TSPAN10: variants seen among roughly 807,000 people sequenced by gnomAD.
TSPAN10 encodes the protein tetraspanin-10.
TSPAN10 carries 11 observed loss-of-function variants against 15.0 expected under a neutral mutation model. The observed-to-expected ratio is 0.73, with a 90% CI of 0.46 to 1.21. The LOEUF (loss-of-function observed/expected upper bound fraction) is 1.21, where lower values mean the gene tolerates loss of function less well. TSPAN10 is among the 50% of genes most tolerant of loss of function. The pLI is 0.00. For synonymous variants in TSPAN10, 241 were observed against 226.2 expected, an observed-to-expected ratio of 1.07 and a Z score of -0.59; for missense variants, 486 against 470.6, an observed-to-expected ratio of 1.03 and a Z score of -0.30.
chr17:81,645,469 G>T lies in TSPAN10; in HGVS notation c.514G>T (p.Val172Leu), dbSNP rs202051691. The change falls in exon 2 of 3, where the codon GTG becomes TTG. Residue 172 changes from valine to leucine, a missense_variant. Coordinates refer to ENST00000611590, the Ensembl canonical transcript of TSPAN10. ...TGAGGCCGTGGCGGGGGCCCTGGTG[G>T]TGGCCCTCTGGGGCCCGCTGCAAGA... 199 of 1,584,606 alleles carry T rather than the reference G, an allele frequency of 1.3e-4. 1 individual carries two copies. The African/African-American group carries it at 2.5e-3, about 20-fold the overall frequency.
exon 1 of TSPAN10, chr17:81,637,262 G>T: frequency 1.9e-6 from 1 of 528,522 alleles, no homozygotes; most frequent in South Asian, 2.4e-5. Flanking sequence ...ACTTCTGCTC[G>T]TCCTCGGAAA....
At chr17:81,642,344 C>T, upstream of TSPAN10, 1 of 1,595,084 alleles carries the variant, frequency 6.3e-7, no homozygotes, top group Non-Finnish European at 8.6e-7. Context: ...GCCCAGCAGC[C>T]CAGCCACAGA....
At position 81,645,104 on chromosome 17, in the gene TSPAN10, C is replaced by G. The variant is rs764209230; in HGVS notation, c.149C>G (p.Pro50Arg). The G allele has an allele frequency of 3.1e-6, 5 of 1,589,186 alleles. No individual in the cohort carries two copies. In the Admixed American group the frequency reaches 9.7e-5, roughly 31 times the overall value. ...GCCTGGGGCTGCAGCTGCTGTCCCC[C>G]GGAGACCAAGCACCAGGCCTTGAGT... Residue 50 changes from proline (P) to arginine (R), a missense_variant, in exon 2 of 3, where the codon CCG (proline) becomes CGG (arginine). Coordinates refer to ENST00000611590, the Ensembl canonical transcript of TSPAN10.
chr17:81,638,220 G>A (rs995903890), upstream of TSPAN10: 3 of 152,106 alleles, frequency 2.0e-5, no homozygotes, highest in Non-Finnish European at 4.4e-5. Context: ...GAGCCAGCTT[G>A]TACAGGTTAC....
upstream of TSPAN10, chr17:81,642,192 A>C: frequency 1.9e-6 from 1 of 521,678 alleles, no homozygotes; most frequent in Non-Finnish European, 3.5e-6. Flanking sequence ...CTCCACAAGC[A>C]GAGGCCTCCT....
At chr17:81,645,363 G>C in exon 2 of TSPAN10, 1 of 1,593,772 alleles carries the variant, frequency 6.3e-7, no homozygotes, top group Non-Finnish European at 8.5e-7. Flanking sequence ...CAGTGAGCCT[G>C]GCTGGCTACC....
chr17:81,645,082 TG>T lies in TSPAN10; in HGVS notation c.131del (p.Gly44AlafsTer14). 6.3e-7 allele frequency: 1 copy of T among 1,593,264 alleles called. No individual in the cohort carries two copies. Among genetic ancestry groups the T allele is most frequent in the Non-Finnish European group, 8.5e-7 (1 of 1,174,616 alleles). On this transcript the variant is annotated frameshift_variant, in exon 2 of 3. Transcript: ENST00000611590. LOFTEE classifies it high-confidence loss of function. Reference sequence around the variant, plus strand: ...GCCCAGGGAGGACCAGGCGGAGGCCTGGGGCTGCAGCTGCTGTCCCCCGGAG... The same window carrying T: ...GCCCAGGGAGGACCAGGCGGAGGCCTGGGCTGCAGCTGCTGTCCCCCGGAG...
At chr17:81,638,169 A>C (rs1381447687), upstream of TSPAN10, 1 of 152,182 alleles carries the variant, frequency 6.6e-6, no homozygotes. Context: ...CCTAGACTTT[A>C]TCAAGACAGG....
At chr17:81,641,344 C>G (rs548794886), upstream of TSPAN10, among the ~76,000 whole-genome samples, 1 of 152,112 alleles carries the variant, frequency 6.6e-6, no homozygotes, top group Non-Finnish European at 1.5e-5. Flanking sequence ...GGTCCTCGCC[C>G]CGACTTCCCA....
intron 1 of TSPAN10, among the ~76,000 whole-genome samples, chr17:81,644,657 G>T (rs1024955215): frequency 6.6e-6 from 1 of 152,216 alleles, no homozygotes; most frequent in African/African-American, 2.4e-5. Flanking sequence ...AGACACCCAC[G>T]CATAGGACCA....
intron 2 of TSPAN10, chr17:81,646,101 T>C (rs2036249467): frequency 4.1e-6 from 1 of 241,192 alleles, no homozygotes; most frequent in Non-Finnish European, 8.0e-6. Context: ...ACTTAGAAAG[T>C]CATTTTTCTG....
chr17:81,648,163 G>A (rs2036284870), exon 3 of TSPAN10: 2 of 1,464,198 alleles, frequency 1.4e-6, no homozygotes, highest in South Asian at 1.4e-5. Flanking sequence ...CCTGCTGGCC[G>A]CCCGGCTACT....
intron 2 of TSPAN10, chr17:81,645,921 TAC>T (rs564553714): frequency 4.3e-5 from 24 of 561,554 alleles, no homozygotes; most frequent in Non-Finnish European, 7.3e-5. Flanking sequence ...AACATGTTCA[TAC>T]ACACACGTGT....
chr17:81,644,193 C>A (rs1220359693), intron 1 of TSPAN10, among the ~76,000 whole-genome samples: 1 of 152,106 alleles, frequency 6.6e-6, no homozygotes, highest in African/African-American at 2.4e-5. Context: ...CTCTTCCCGG[C>A]AGAACTGGGC....
chr17:81,637,438 A>T, upstream of TSPAN10: 2 of 672,250 alleles, frequency 3.0e-6, no homozygotes, highest in Non-Finnish European at 5.3e-6. Context: ...GGAAGGCAGG[A>T]TCACACCTTC....
rs750636951 is a variant in TSPAN10, at chr17:81,645,111, C to G, written c.156C>G (p.Thr52=). Residue 52 remains threonine, a synonymous_variant, in exon 2 of 3, where the codon ACC becomes ACG. Transcript: ENST00000611590. ...GCTGCAGCTGCTGTCCCCCGGAGACCAAGCACCAGGCCTTGAGTGGCACCC... is the reference window on the plus strand; with the variant it reads ...GCTGCAGCTGCTGTCCCCCGGAGACGAAGCACCAGGCCTTGAGTGGCACCC... 11 of 1,587,696 alleles carry G rather than the reference C, an allele frequency of 6.9e-6. No individual in the cohort carries two copies. The South Asian group carries it at 1.3e-4, about 18-fold the overall frequency.
chr17:81,638,140 A>G (rs1178191516), upstream of TSPAN10: 2 of 152,256 alleles, frequency 1.3e-5, no homozygotes, highest in Non-Finnish European at 2.9e-5. Context: ...ACTACCCAAC[A>G]TATTGTCCCT....
exon 2 of TSPAN10, chr17:81,645,463 C>T (rs1340330321): frequency 6.3e-7 from 1 of 1,586,404 alleles, no homozygotes; most frequent in Admixed American, 1.8e-5. Context: ...GGCGGGGGCC[C>T]TGGTGGTGGC....
intron 2 of TSPAN10, chr17:81,647,563 A>G: frequency 3.5e-6 from 2 of 572,172 alleles, no homozygotes; most frequent in Non-Finnish European, 6.6e-6. Context: ...TACCTTCTCA[A>G]TGAGCTCAGC....
Sources: allele counts gnomAD v4.1 joint callset (sites outside exome capture counted in the v4.1 genomes callset), GRCh38; gene constraint gnomAD v4.1.1; transcripts MANE v1.5; gene names NCBI Gene and HGNC (gene_info 2026-07-23, HGNC 2026-07-21).